NANOGNB: variants seen among roughly 807,000 people sequenced by gnomAD.
NANOGNB encodes NANOG neighbor homeobox, also known as homeobox C14.
NANOGNB carries 30 observed loss-of-function variants against 25.0 expected under a neutral mutation model. The observed-to-expected ratio is 1.20, with a 90% CI of 0.90 to 1.63. The LOEUF is 1.63. Ranked by LOEUF, NANOGNB falls within the 40% of genes most tolerant of loss-of-function variation. The probability of loss-of-function intolerance (pLI) is 0.00; values close to 1 mark genes in which losing one functional copy is unlikely to be tolerated. For synonymous variants in NANOGNB, 84 were observed against 62.1 expected, an observed-to-expected ratio of 1.35 and a Z score of -1.66; for missense variants, 200 against 188.1, an observed-to-expected ratio of 1.06 and a Z score of -0.37.
At chr12:7,768,694 C>T (rs1347511506) in intron 1 of NANOGNB, among the ~76,000 whole-genome samples, 2 of 151,800 alleles carry the variant, frequency 1.3e-5, no homozygotes, top group Non-Finnish European at 2.9e-5. Flanking sequence ...CGCCATGCCC[C>T]GCTAATTTTT....
intron 1 of NANOGNB, among the ~76,000 whole-genome samples, chr12:7,767,973 A>G (rs1255248789): frequency 1.3e-5 from 2 of 152,084 alleles, no homozygotes; most frequent in South Asian, 2.1e-4. Flanking sequence ...TCGGCCTCCC[A>G]AAGTGCTGGG....
chr12:7,774,038 G>T lies in NANOGNB; in HGVS notation c.*187G>T. The T allele has an allele frequency of 7.5e-6, 3 of 398,170 alleles. No homozygotes were observed. The highest frequency in any genetic ancestry group is 1.0e-4 in the South Asian group (1 of 9,772). The allele number at this position is 398,170 out of a possible 1,614,324, so 24.7% of individuals were successfully genotyped here. A position where few individuals can be genotyped will look rare whatever the true frequency, so the allele number is the denominator to read the frequency against. Reference sequence around the variant, plus strand: ...GGGGTATGCAAAGGAGTTTTTATGTGTTTTATTTTTACCCTACTGTAGATT... The same window carrying T: ...GGGGTATGCAAAGGAGTTTTTATGTTTTTTATTTTTACCCTACTGTAGATT... On this transcript the variant is annotated 3_prime_UTR_variant, in exon 4 of 4. Transcript: ENST00000382119.
intron 1 of NANOGNB, 81 bp downstream of exon 1, chr12:7,765,468 G>A (rs1865237283): frequency 3.7e-6 from 1 of 270,572 alleles, no homozygotes; most frequent in South Asian, 3.0e-5. Context: ...TACTCTGGAG[G>A]CTGAGGCGGG....
Position 7,773,819 on chromosome 12 carries a change from C to A in NANOGNB, c.535C>A (p.Gln179Lys). 1 of 634,398 alleles carries A rather than the reference C, an allele frequency of 1.6e-6. No individual in the cohort carries two copies. Among genetic ancestry groups the A allele is most frequent in the Non-Finnish European group, 2.8e-6 (1 of 360,586 alleles). 39.3% of individuals were successfully genotyped at this position (634,398 alleles called of 1,614,324 possible). A position where few individuals can be genotyped will look rare whatever the true frequency, so the allele number is the denominator to read the frequency against. ...KHMRWRSLCC[Q>K]GWSRTPALK ...AAACAGATGGAGATCTCTGTGTTGC[C>A]AAGGCTGGTCTCGAACTCCTGCCCT... The change falls in exon 4 of 4, where the codon CAA (glutamine) becomes AAA (lysine). Residue 179 changes from glutamine to lysine, a missense_variant. Physicochemically the swap from Gln to Lys is moderately conservative, Grantham distance 53. Coordinates refer to ENST00000382119, the MANE Select transcript of NANOGNB (RefSeq NM_001145465.1).
Position 7,770,230 on chromosome 12 carries a change from T to C in NANOGNB, c.350T>C (p.Leu117Pro). 6.4e-7 allele frequency: 1 copy of C among 1,551,252 alleles called. No individual in the cohort carries two copies. The highest frequency in any genetic ancestry group is 2.4e-5 in the East Asian group (1 of 40,902). The change falls in exon 2 of 4, where the codon CTC becomes CCC. Residue 117 changes from leucine to proline, a missense_variant. Transcript: ENST00000382119. ...RLVSKSLMHT[L>P]WAKFKLNRCP... The stretch of plus-strand genomic sequence containing the variant: ...GTCAGCAAATCCCTCATGCATACTC[T>C]CTGGGCAAAGTTTAAGTTAAACAGG...
Position 7,770,501 on chromosome 12 carries a change from TA to T in NANOGNB, c.500del (p.Lys167ArgfsTer5). ...ATAAAGAAATGTCCAAGAGAAAGCA[TA>T]AGAAAAAACATATGAGGTAAGAAAG... ...YNKEMSKRKH[K>X]KKHMRWRSLC... On this transcript the variant is annotated frameshift_variant, in exon 3 of 4. Transcript: ENST00000382119. LOFTEE classifies it high-confidence loss of function. 6.7e-7 allele frequency: 1 copy of T among 1,503,626 alleles called. No individual in the cohort carries two copies. Among genetic ancestry groups the T allele is most frequent in the Non-Finnish European group, 9.0e-7 (1 of 1,108,166 alleles). The allele number at this position is 1,503,626 out of a possible 1,614,324, so 93.1% of individuals were successfully genotyped here.
chr12:7,769,864 T>C, intron 1 of NANOGNB, 119 bp from the exon 2 acceptor site: 2 of 799,538 alleles, frequency 2.5e-6, no homozygotes, highest in Non-Finnish European at 2.0e-6. Flanking sequence ...TTTCCACCAA[T>C]GTACAACATT....
intron 3 of NANOGNB, among the ~76,000 whole-genome samples, chr12:7,770,883 A>C (rs1270515316): frequency 1.3e-5 from 2 of 152,210 alleles, no homozygotes; most frequent in Non-Finnish European, 2.9e-5. Context: ...AAGTGCTGGG[A>C]TTACAGGCGT....
In NANOGNB at chr12:7,765,294, G is replaced by A; in HGVS notation, c.9G>A (p.Arg3=). 7.8e-7 allele frequency: 1 copy of A among 1,278,248 alleles called. No individual in the cohort carries two copies. Among genetic ancestry groups the A allele is most frequent in the East Asian group, 5.7e-5 (1 of 17,626 alleles). The allele number at this position is 1,278,248 out of a possible 1,614,324, so 79.2% of individuals were successfully genotyped here. ...GTCTTTAAAACTCCTCAATGCACCG[G>A]GCGCGGTGGCTCACGCCTGTAATCC... MH[R]ARWLTPVIPA... Residue 3 remains arginine (R), a synonymous_variant, in exon 1 of 4, where the codon CGG becomes CGA. Coordinates refer to ENST00000382119, the MANE Select transcript of NANOGNB (RefSeq NM_001145465.1).
chr12:7,770,199 A>C lies in NANOGNB; in HGVS notation c.319A>C (p.Arg107=), dbSNP rs1233487378. The C allele has an allele frequency of 1.9e-6, 3 of 1,551,948 alleles. No homozygotes were observed. The African/African-American group carries it at 4.1e-5, about 21-fold the overall frequency. Residue 107 remains arginine, a synonymous_variant, in exon 2 of 4, where the codon AGA becomes CGA. Transcript: ENST00000382119. ...GAAACAGAAACAGTATCCCGAGAAA[A>C]GATTAGTCAGCAAATCCCTCATGCA... The part of the protein sequence containing the change: ...NEKQKQYPEK[R]LVSKSLMHTL...
chr12:7,767,696 A>C (rs1292551914), intron 1 of NANOGNB, among the ~76,000 whole-genome samples: 1 of 151,986 alleles, frequency 6.6e-6, no homozygotes, highest in African/African-American at 2.4e-5. Context: ...ATATAAACAG[A>C]ATCATACAAT....
At chr12:7,767,782 G>A (rs1865258515) in intron 1 of NANOGNB, among the ~76,000 whole-genome samples, 1 of 144,724 alleles carries the variant, frequency 6.9e-6, no homozygotes, top group South Asian at 2.2e-4. Flanking sequence ...TTTCCGGTGT[G>A]GCAGGGTCTT....
intron 3 of NANOGNB, among the ~76,000 whole-genome samples, chr12:7,773,219 G>A (rs1417869036): frequency 6.6e-6 from 1 of 150,400 alleles, no homozygotes; most frequent in Non-Finnish European, 1.5e-5. Flanking sequence ...AGCCTCCCGA[G>A]TAGCTGGGAT....
chr12:7,767,631 T>A (rs1454671978), intron 1 of NANOGNB, among the ~76,000 whole-genome samples: 2 of 152,194 alleles, frequency 1.3e-5, no homozygotes, highest in Admixed American at 1.3e-4. Flanking sequence ...CCCTCATCTC[T>A]GATAATCACT....
At chr12:7,766,506 C>T (rs1217878894) in intron 1 of NANOGNB, among the ~76,000 whole-genome samples, 1 of 152,130 alleles carries the variant, frequency 6.6e-6, no homozygotes, top group African/African-American at 2.4e-5. Context: ...CAAAACAAAA[C>T]AAACCCACTA....
intron 1 of NANOGNB, among the ~76,000 whole-genome samples, 182 bp downstream of exon 1, chr12:7,765,569 C>CAAAAAAAAAAAAAAAAAAA (rs1187331161): frequency 4.1e-4 from 20 of 48,666 alleles, no homozygotes; most frequent in African/African-American, 1.1e-3. Flanking sequence ...GACTCCGTCT[C>CAAAAAAAAAAAAAAAAAAA]AAAAAAAAAA....
intron 3 of NANOGNB, among the ~76,000 whole-genome samples, chr12:7,772,079 T>A (rs1318379353): frequency 6.6e-6 from 1 of 152,058 alleles, no homozygotes; most frequent in Non-Finnish European, 1.5e-5. Context: ...ACTCCAAATG[T>A]CTCCACTCAA....
chr12:7,772,544 T>C (rs1862586620), intron 3 of NANOGNB, among the ~76,000 whole-genome samples: 1 of 149,542 alleles, frequency 6.7e-6, no homozygotes, highest in South Asian at 2.1e-4. Context: ...CCCAAAGTGC[T>C]GAGATTACAG....
chr12:7,766,241 G>A (rs914248568), intron 1 of NANOGNB: 6 of 398,046 alleles, frequency 1.5e-5, no homozygotes, highest in Admixed American at 4.4e-5. Flanking sequence ...GAGGCCAAGC[G>A]GGGCAGATCG....
Sources: gnomAD v4.1 joint callset for allele counts (sites outside exome capture counted in the v4.1 genomes callset) on GRCh38, gnomAD v4.1.1 for gene constraint, MANE v1.5 for transcripts, NCBI Gene and HGNC (gene_info 2026-07-23, HGNC 2026-07-21) for gene names.